The following LOXHD1 variants were observed in gnomAD, a reference collection of about 807,000 sequenced individuals.
LOXHD1 encodes lipoxygenase homology domain-containing protein 1.
LOXHD1 carries 205 observed loss-of-function variants against 248.2 expected under a neutral mutation model. The observed-to-expected ratio is 0.83, with a 90% CI of 0.74 to 0.93. LOXHD1 has a LOEUF of 0.93. LOXHD1 is among the 40% of genes least tolerant of loss of function. LOXHD1 has a pLI of 0.00. For synonymous variants in LOXHD1, 1,113 were observed against 1,162.8 expected (o/e 0.96, Z 0.87); for missense variants, 2,930 against 2,971.6 (o/e 0.99, Z 0.33).
chr18:46,622,384 T>A lies in LOXHD1; in HGVS notation c.512-4094A>T, dbSNP rs570010663. On this transcript the variant is annotated intron_variant, in intron 4 of 40. Coordinates refer to ENST00000642948, the MANE Select transcript of LOXHD1 (RefSeq NM_001384474.1). ...TTATGTGTCCCAAAATATTACTTTT[T>A]AAAAAAATTCTTTTCAACTGTTTAA... Among the ~76,000 whole-genome samples the A allele has an allele frequency of 1.5e-4, 23 of 152,316 alleles. No individual in the cohort carries two copies. In the South Asian group the frequency reaches 4.8e-3, roughly 32 times the overall value.
chr18:46,583,624 C>G (rs756265218), intron 12 of LOXHD1, among the ~76,000 whole-genome samples: 8 of 151,814 alleles, frequency 5.3e-5, no homozygotes, highest in Non-Finnish European at 8.8e-5. Context: ...AAATGCAAAT[C>G]GAAACCATAG....
chr18:46,639,936 T>A, intron 3 of LOXHD1, 136 bp from the exon 4 acceptor site: 1 of 1,071,850 alleles, frequency 9.3e-7, no homozygotes. Flanking sequence ...CTCCTGAACC[T>A]CGGTTTCCTC....
Position 46,569,437 on chromosome 18 carries a change from CTT to C in LOXHD1, c.2244+3_2244+4del, listed in dbSNP as rs1568191921. Reference sequence around the variant, plus strand: ...ATGTCACATGGTCTTGGGAAGGAGACTTACATTTCCAATGTTCAGGGTCTCGA... The same window carrying C: ...ATGTCACATGGTCTTGGGAAGGAGACACATTTCCAATGTTCAGGGTCTCGA... On this transcript the variant is annotated splice_donor_region_variant and intron_variant, in intron 16 of 40. Coordinates refer to ENST00000642948, the MANE Select transcript of LOXHD1 (RefSeq NM_001384474.1). 1.9e-5 allele frequency: 29 copies of C among 1,551,154 alleles called. No individual in the cohort carries two copies. Among genetic ancestry groups the C allele is most frequent in the Non-Finnish European group, 2.5e-5 (29 of 1,146,386 alleles).
intron 4 of LOXHD1, among the ~76,000 whole-genome samples, chr18:46,634,110 T>C (rs2038861902): frequency 6.6e-6 from 1 of 152,176 alleles, no homozygotes; most frequent in Non-Finnish European, 1.5e-5. Flanking sequence ...AACAGGGACT[T>C]GAACAAATAT....
intron 32 of LOXHD1, among the ~76,000 whole-genome samples, chr18:46,521,618 C>T (rs11662986): frequency 0.084 from 12,840 of 152,130 alleles, 617 homozygotes; most frequent in Non-Finnish European, 0.1. Context: ...GAATGGTGGG[C>T]TGCTGAGAGA....
At position 46,545,627 on chromosome 18, in the gene LOXHD1, C is replaced by CTTTTTTTTTTTTTTT. The variant is rs56323729; in HGVS notation, c.3515-221_3515-207dup. ...GTTTCTATGTTCCTCTTGGCCATTT[C>CTTTTTTTTTTTTTTT]TTTTTTTTTTTTTTTTTTTTGAGAC... On this transcript the variant is annotated intron_variant, in intron 22 of 40. Transcript: ENST00000642948. Among the ~76,000 whole-genome samples, 35 of 92,234 alleles carry CTTTTTTTTTTTTTTT rather than the reference C, an allele frequency of 3.8e-4. 5 individuals carry two copies. Among genetic ancestry groups the CTTTTTTTTTTTTTTT allele is most frequent in the African/African-American group, 1.6e-3 (33 of 20,500 alleles). The allele number at this position is 92,234 out of a possible 152,430, so 60.5% of individuals were successfully genotyped here. A position where few individuals can be genotyped will look rare whatever the true frequency, so the allele number is the denominator to read the frequency against.
chr18:46,527,211 T>C (rs140973968), intron 29 of LOXHD1, among the ~76,000 whole-genome samples: 106 of 152,262 alleles, frequency 7.0e-4, no homozygotes, highest in Middle Eastern at 3.4e-3. Context: ...ATTCATTTAT[T>C]TACTTAATCC....
At chr18:46,637,461 A>G (rs191222616) in intron 4 of LOXHD1, among the ~76,000 whole-genome samples, 5 of 152,342 alleles carry the variant, frequency 3.3e-5, no homozygotes, top group Non-Finnish European at 7.3e-5. Context: ...GATGAGCTGA[A>G]AAGTGGCAAG....
chr18:46,655,027 GA>G lies in LOXHD1; in HGVS notation c.130+1876del, dbSNP rs764141704. Among the ~76,000 whole-genome samples, 19 of 151,754 alleles carry G rather than the reference GA, an allele frequency of 1.3e-4. No homozygotes were observed. In the East Asian group the frequency reaches 2.3e-3, roughly 18 times the overall value. On this transcript the variant is annotated intron_variant, in intron 1 of 40. Coordinates refer to ENST00000642948, the MANE Select transcript of LOXHD1 (RefSeq NM_001384474.1). ...TCTCTGTGCTTCAGATTCCTCATCT[GA>G]AAAAAAAGGATAACACATCTGCTGC... is the stretch of plus-strand genomic sequence containing the variant.
Position 46,477,350 on chromosome 18 carries a change from C to A in LOXHD1, c.*122G>T. ...GTGGGGAGCAGGACCCCATGAAGTT[C>A]TCAGTGGACTGCTAGCCCCCAGTGC... On this transcript the variant is annotated 3_prime_UTR_variant, in exon 41 of 41. Transcript: ENST00000642948. The A allele has an allele frequency of 1.5e-6, 2 of 1,375,710 alleles. No homozygotes were observed. Among genetic ancestry groups the A allele is most frequent in the Admixed American group, 2.0e-5 (1 of 50,304 alleles). The allele number at this position is 1,375,710 out of a possible 1,614,324, so 85.2% of individuals were successfully genotyped here.
chr18:46,634,574 A>G (rs75530839), intron 4 of LOXHD1, among the ~76,000 whole-genome samples: 3,824 of 152,324 alleles, frequency 0.025, 56 homozygotes, highest in Non-Finnish European at 0.039. Flanking sequence ...GTACATATGA[A>G]ACAAATGAAT....
chr18:46,477,250 A>C (rs2032076904), downstream of LOXHD1: 1 of 757,182 alleles, frequency 1.3e-6, no homozygotes, highest in Non-Finnish European at 2.4e-6. Context: ...AAATACAAAA[A>C]ATTATTTTTG....
intron 37 of LOXHD1, among the ~76,000 whole-genome samples, chr18:46,493,293 TAAC>T: frequency 6.6e-6 from 1 of 152,374 alleles, no homozygotes; most frequent in South Asian, 2.1e-4. Context: ...AAGACTTTGT[TAAC>T]AACCCTATTT....
chr18:46,589,651 T>A (rs1374543115), intron 12 of LOXHD1, among the ~76,000 whole-genome samples: 1 of 152,174 alleles, frequency 6.6e-6, no homozygotes, highest in Non-Finnish European at 1.5e-5. Flanking sequence ...ACACTTCAGG[T>A]AGTTTTGATA....
In LOXHD1 at chr18:46,524,932, T is replaced by C. The variant is rs1004224637; in HGVS notation, c.4531-15A>G. 11 of 1,551,358 alleles carry C rather than the reference T, an allele frequency of 7.1e-6. No homozygotes were observed. The South Asian group carries it at 1.1e-4, about 15-fold the overall frequency. On this transcript the variant is annotated splice_polypyrimidine_tract_variant and intron_variant, in intron 29 of 40. Coordinates refer to ENST00000642948, the MANE Select transcript of LOXHD1 (RefSeq NM_001384474.1). Reference sequence around the variant, plus strand: ...AAGGTGTCAGCCTGGGGAGCCCAGATGTGGGGACTCATATGGGGGTGTGCC... The same window carrying C: ...AAGGTGTCAGCCTGGGGAGCCCAGACGTGGGGACTCATATGGGGGTGTGCC...
rs867685350 is a variant in LOXHD1, at chr18:46,505,772, G to A, written c.5878+66C>T. The A allele has an allele frequency of 7.1e-5, 107 of 1,510,940 alleles. 3 individuals carry two copies. In the South Asian group the frequency reaches 1.1e-3, roughly 16 times the overall value. 93.6% of individuals were successfully genotyped at this position (1,510,940 alleles called of 1,614,324 possible). Reference sequence around the variant, plus strand: ...CAGAGTCAATGTGCTGCCAGGGAGGGAATAATGGCTCAGGAAGGGAGCTGA... The same window carrying A: ...CAGAGTCAATGTGCTGCCAGGGAGGAAATAATGGCTCAGGAAGGGAGCTGA... On this transcript the variant is annotated intron_variant, in intron 37 of 40. Transcript: ENST00000642948.
rs2032094766 is a variant in LOXHD1, at chr18:46,477,443, C to T, written c.*29G>A. 1 of 1,538,050 alleles carries T rather than the reference C, an allele frequency of 6.5e-7. No homozygotes were observed. Among genetic ancestry groups the T allele is most frequent in the South Asian group, 1.2e-5 (1 of 82,862 alleles). The stretch of plus-strand genomic sequence containing the variant: ...GGGCAGAAATGTGAGATTGGGGCAT[C>T]TCAGTGAGAGGGTGGGGGCCCTAGC... On this transcript the variant is annotated 3_prime_UTR_variant, in exon 41 of 41. Transcript: ENST00000642948.
chr18:46,509,792 G>T lies in LOXHD1; in HGVS notation c.5423C>A (p.Thr1808Asn), dbSNP rs1391046085. ...KARFEREQND[T>N]FIMEILDIAP... ...AATGTCTAGGATCTCCATGATGAAG[G>T]TGTCGTTCTGCTCCCGCTCAAACCT... Residue 1808 changes from threonine to asparagine, a missense_variant, in exon 35 of 41, where the codon ACC (threonine) becomes AAC (asparagine). Coordinates refer to ENST00000642948, the MANE Select transcript of LOXHD1 (RefSeq NM_001384474.1). The T allele has an allele frequency of 1.4e-5, 21 of 1,549,968 alleles. No homozygotes were observed. The highest frequency in any genetic ancestry group is 1.7e-5 in the Non-Finnish European group (20 of 1,146,374).
At chr18:46,537,764 C>G (rs2036377072) in intron 26 of LOXHD1, among the ~76,000 whole-genome samples, 1 of 152,252 alleles carries the variant, frequency 6.6e-6, no homozygotes, top group Admixed American at 6.5e-5. Flanking sequence ...CCCATGACCA[C>G]TGGTGGTGGG....
Sources: allele counts gnomAD v4.1 joint callset (sites outside exome capture counted in the v4.1 genomes callset), GRCh38; gene constraint gnomAD v4.1.1; transcripts MANE v1.5; gene names NCBI Gene and HGNC (gene_info 2026-07-23, HGNC 2026-07-21).